TENM4: variants seen among roughly 807,000 people sequenced by gnomAD.
The protein encoded by TENM4 is teneurin transmembrane protein 4.
Under a neutral mutation model 243.3 loss-of-function variants are expected in TENM4, and 82 were observed. That is an observed-to-expected ratio of 0.34 (90% CI 0.28 to 0.40). The LOEUF (loss-of-function observed/expected upper bound fraction) is 0.40. TENM4 is among the 10% of genes least tolerant of loss of function. The pLI, the probability that TENM4 is intolerant of heterozygous loss-of-function variation, is 1.00. For missense variants in TENM4, 3,138 were observed against 3,673.3 expected, an observed-to-expected ratio of 0.85 and a Z score of 3.77; for synonymous variants, 1,412 against 1,456.3, an observed-to-expected ratio of 0.97 and a Z score of 0.69.
At chr11:78,976,258 C>T (rs1226140717) in intron 6 of TENM4, among the ~76,000 whole-genome samples, 1 of 152,130 alleles carries the variant, frequency 6.6e-6, no homozygotes, top group African/African-American at 2.4e-5. Flanking sequence ...CCTTCCATAG[C>T]ATCTTAGAGT....
intron 1 of TENM4, among the ~76,000 whole-genome samples, chr11:79,335,377 T>G (rs1280743146): frequency 6.6e-6 from 1 of 152,232 alleles, no homozygotes; most frequent in Non-Finnish European, 1.5e-5. Context: ...GCTACGTCAC[T>G]TGGCATTGCT....
chr11:79,195,581 C>G (rs146340947), intron 3 of TENM4, among the ~76,000 whole-genome samples: 1 of 152,160 alleles, frequency 6.6e-6, no homozygotes, highest in Non-Finnish European at 1.5e-5. Context: ...GGATTTTGGA[C>G]TTTCATGGGC....
chr11:78,882,130 T>C (rs905866055), intron 9 of TENM4, among the ~76,000 whole-genome samples: 1 of 152,126 alleles, frequency 6.6e-6, no homozygotes, highest in Non-Finnish European at 1.5e-5. Context: ...GGAGGGAAAA[T>C]GAGCCTTACT....
intron 28 of TENM4, among the ~76,000 whole-genome samples, chr11:78,691,112 G>A (rs1858809347): frequency 6.6e-6 from 1 of 152,142 alleles, no homozygotes; most frequent in African/African-American, 2.4e-5. Context: ...TTCTCCCAGT[G>A]ATATCCTGTG....
At chr11:79,000,927 A>T (rs1372023874) in intron 6 of TENM4, among the ~76,000 whole-genome samples, 1 of 152,218 alleles carries the variant, frequency 6.6e-6, no homozygotes, top group Non-Finnish European at 1.5e-5. Flanking sequence ...GCTACTTGGG[A>T]GGCTGAGGCA....
At position 78,657,166 on chromosome 11, in the gene TENM4, C is replaced by T. The variant is rs1402995561; in HGVS notation, c.*892G>A. On this transcript the variant is annotated 3_prime_UTR_variant, in exon 34 of 34. Transcript: ENST00000278550. ...TGCTGTGCAGTGCTCGTTCTCACATCTGGCTTTGGGAGAAAGGAGGAGATG... is the reference window on the plus strand; with the variant it reads ...TGCTGTGCAGTGCTCGTTCTCACATTTGGCTTTGGGAGAAAGGAGGAGATG... 1 of 398,602 alleles carries T rather than the reference C, an allele frequency of 2.5e-6. No homozygotes were observed. Among genetic ancestry groups the T allele is most frequent in the African/African-American group, 2.1e-5 (1 of 48,626 alleles). 24.7% of individuals were successfully genotyped at this position (398,602 alleles called of 1,614,324 possible). A position where few individuals can be genotyped will look rare whatever the true frequency, so the allele number is the denominator to read the frequency against.
intron 4 of TENM4, among the ~76,000 whole-genome samples, chr11:79,125,105 C>G (rs1591300554): frequency 6.6e-6 from 1 of 151,818 alleles, no homozygotes; most frequent in Non-Finnish European, 1.5e-5. Context: ...TACTTCTAAT[C>G]CTGTGGAGAA....
chr11:78,805,262 T>C (rs149723898), intron 15 of TENM4, 30 bp downstream of exon 15: 3 of 1,525,264 alleles, frequency 2.0e-6, no homozygotes, highest in African/African-American at 1.4e-5. Flanking sequence ...CCCCTCCCTC[T>C]ACCCATGCTT....
intron 18 of TENM4, among the ~76,000 whole-genome samples, chr11:78,760,662 G>C (rs551168793): frequency 1.3e-5 from 2 of 152,288 alleles, no homozygotes; most frequent in East Asian, 3.9e-4. Context: ...TAGTATTTGT[G>C]TCTCTCATTA....
At chr11:79,019,427 C>T (rs1591212917) in intron 6 of TENM4, among the ~76,000 whole-genome samples, 1 of 152,300 alleles carries the variant, frequency 6.6e-6, no homozygotes, top group East Asian at 1.9e-4. Flanking sequence ...TCTTCTACCT[C>T]TATAACCACC....
At chr11:78,753,556 G>A (rs934251508) in intron 19 of TENM4, among the ~76,000 whole-genome samples, 1 of 152,176 alleles carries the variant, frequency 6.6e-6, no homozygotes, top group African/African-American at 2.4e-5. Flanking sequence ...AGCATCTGCT[G>A]CCTCATGTTT....
chr11:79,284,814 C>A (rs954911867), intron 2 of TENM4, among the ~76,000 whole-genome samples: 6 of 151,976 alleles, frequency 3.9e-5, no homozygotes, highest in Non-Finnish European at 2.9e-5. Context: ...CAATTGTATC[C>A]AGAATATATA....
intron 7 of TENM4, among the ~76,000 whole-genome samples, chr11:78,901,216 G>A (rs1855922409): frequency 6.6e-6 from 1 of 152,020 alleles, no homozygotes; most frequent in Non-Finnish European, 1.5e-5. Context: ...GTATATAGAT[G>A]TACATAAAAT....
chr11:78,750,941 G>A (rs952336665), intron 19 of TENM4, among the ~76,000 whole-genome samples: 1 of 152,014 alleles, frequency 6.6e-6, no homozygotes, highest in African/African-American at 2.4e-5. Flanking sequence ...GTGCAATGGA[G>A]TGATCTCTGC....
At chr11:79,408,060 C>T (rs138409491) in intron 1 of TENM4, among the ~76,000 whole-genome samples, 4 of 151,994 alleles carry the variant, frequency 2.6e-5, no homozygotes, top group Non-Finnish European at 5.9e-5. Flanking sequence ...CCGGTCACCA[C>T]GCCCAGCTAA....
chr11:78,875,126 C>A (rs1172207668), intron 9 of TENM4, among the ~76,000 whole-genome samples: 1 of 152,184 alleles, frequency 6.6e-6, no homozygotes, highest in Admixed American at 6.5e-5. Context: ...CAAACCGCCG[C>A]CCCAGTCAGT....
chr11:79,126,220 T>C (rs2137146349), intron 4 of TENM4, among the ~76,000 whole-genome samples: 2 of 152,328 alleles, frequency 1.3e-5, no homozygotes, highest in South Asian at 2.1e-4. Flanking sequence ...CTTAGGGAGA[T>C]TGGGATGGTG....
chr11:78,766,706 A>ATTT lies in TENM4; in HGVS notation c.2539+4283_2539+4285dup, dbSNP rs10678115. Among the ~76,000 whole-genome samples the ATTT allele has an allele frequency of 7.8e-3, 1,119 of 144,170 alleles. 22 individuals are homozygous for ATTT. The highest frequency in any genetic ancestry group is 0.026 in the African/African-American group (1,028 of 38,938). 94.6% of individuals were successfully genotyped at this position (144,170 alleles called of 152,430 possible). ...TCAGTCATACTGTTCGGCTCCCCCA[A>ATTT]TTTTTTTTTTTTTTTTGACAGAGTC... On this transcript the variant is annotated intron_variant, in intron 18 of 33. Transcript: ENST00000278550.
intron 1 of TENM4, among the ~76,000 whole-genome samples, chr11:79,308,822 T>A (rs1856670948): frequency 6.6e-6 from 1 of 152,156 alleles, no homozygotes; most frequent in Non-Finnish European, 1.5e-5. Flanking sequence ...GGCCTTAGTT[T>A]CCTCACCCGT....
Sources: gnomAD v4.1 joint callset for allele counts (sites outside exome capture counted in the v4.1 genomes callset) on GRCh38, gnomAD v4.1.1 for gene constraint, MANE v1.5 for transcripts, NCBI Gene and HGNC (gene_info 2026-07-23, HGNC 2026-07-21) for gene names.